The following GLIS3 variants were observed in gnomAD, a reference collection of about 807,000 sequenced individuals.
The protein encoded by GLIS3 is zinc finger protein GLIS3.
GLIS3 carries 53 observed loss-of-function variants against 78.6 expected under a neutral mutation model. The ratio of observed to expected loss-of-function variants is 0.67; its 90% CI spans 0.54 to 0.85. The LOEUF is 0.85. Ranked by LOEUF, GLIS3 falls within the 40% of genes least tolerant of loss-of-function variation. The pLI is 0.00. For missense variants in GLIS3, 1,703 were observed against 1,231.1 expected (o/e 1.38, Z -5.74); for synonymous variants, 684 against 509.9 (o/e 1.34, Z -4.60).
intron 2 of GLIS3, among the ~76,000 whole-genome samples, chr9:4,192,808 T>A (rs1253713648): frequency 7.7e-5 from 11 of 142,488 alleles, no homozygotes; most frequent in Admixed American, 2.8e-4. Flanking sequence ...ATACAATATT[T>A]AAAAAAAAAA....
intron 2 of GLIS3, among the ~76,000 whole-genome samples, chr9:4,128,124 C>T (rs555731737): frequency 2.9e-4 from 44 of 152,294 alleles, no homozygotes; most frequent in African/African-American, 1.0e-3. Flanking sequence ...TATTTTAACC[C>T]TTATCTTGTT....
At chr9:4,163,189 G>C (rs1367686692) in intron 2 of GLIS3, among the ~76,000 whole-genome samples, 1 of 152,242 alleles carries the variant, frequency 6.6e-6, no homozygotes, top group Admixed American at 6.5e-5. Context: ...ATCTGCCTGG[G>C]TCCATAGCTG....
At chr9:4,306,690 C>A (rs1317649101) in intron 4 of GLIS3, among the ~76,000 whole-genome samples, 2 of 152,252 alleles carry the variant, frequency 1.3e-5, no homozygotes, top group African/African-American at 4.8e-5. Flanking sequence ...CCAGGCATCT[C>A]TGAGTCTCAT....
At chr9:4,339,240 C>T (rs1817799093) in intron 2 of GLIS3, among the ~76,000 whole-genome samples, 2 of 152,296 alleles carry the variant, frequency 1.3e-5, no homozygotes, top group Non-Finnish European at 2.9e-5. Context: ...TTGTCTTCTT[C>T]ACTGAAGTGA....
At chr9:4,438,714 G>A in the GLIS3 span, among the ~76,000 whole-genome samples, 2 of 152,164 alleles carry the variant, frequency 1.3e-5, no homozygotes. Context: ...TAGTGAATAA[G>A]TCTCACAAGA....
chr9:3,920,545 G>C (rs778186594), intron 6 of GLIS3, among the ~76,000 whole-genome samples: 2 of 151,136 alleles, frequency 1.3e-5, no homozygotes, highest in African/African-American at 4.9e-5. Flanking sequence ...CTATGTGTCT[G>C]AGTCTTTGTG....
chr9:4,117,652 T>A, intron 4 of GLIS3, 116 bp downstream of exon 4: 4 of 1,152,510 alleles, frequency 3.5e-6, no homozygotes, highest in Non-Finnish European at 5.3e-6. Context: ...CCCCATCTCA[T>A]GGATACCTAG....
At chr9:4,336,599 TAAAACAAC>T (rs1817760820) in intron 2 of GLIS3, among the ~76,000 whole-genome samples, 1 of 152,246 alleles carries the variant, frequency 6.6e-6, no homozygotes, top group Admixed American at 6.5e-5. Context: ...CTCAGGAAGA[TAAAACAAC>T]AAAACCAAGA....
intron 2 of GLIS3, among the ~76,000 whole-genome samples, chr9:4,149,056 T>C (rs1020989070): frequency 8.5e-5 from 13 of 152,202 alleles, no homozygotes; most frequent in Admixed American, 7.9e-4. Flanking sequence ...GTGCAGAGTT[T>C]ACCTAGCTAT....
At chr9:4,110,461 C>T (rs1215788602) in intron 4 of GLIS3, among the ~76,000 whole-genome samples, 2 of 152,146 alleles carry the variant, frequency 1.3e-5, no homozygotes, top group African/African-American at 4.8e-5. Context: ...AACCATTCTC[C>T]CTACTCAAGC....
At chr9:4,212,727 G>A (rs539988229) in intron 2 of GLIS3, among the ~76,000 whole-genome samples, 1 of 152,352 alleles carries the variant, frequency 6.6e-6, no homozygotes, top group East Asian at 1.9e-4. Context: ...AGAGGCAAGA[G>A]AGATAGAACA....
At chr9:3,953,765 C>A (rs1300072274) in intron 4 of GLIS3, among the ~76,000 whole-genome samples, 13 of 37,168 alleles carry the variant, frequency 3.5e-4, no homozygotes, top group African/African-American at 1.5e-3. Context: ...GATTTGCTCT[C>A]TCTCTCTCTC....
intron 1 of GLIS3, among the ~76,000 whole-genome samples, chr9:4,290,594 T>C (rs1179261052): frequency 6.6e-6 from 1 of 152,094 alleles, no homozygotes; most frequent in East Asian, 1.9e-4. Context: ...GTGAAGCACA[T>C]TTCGCAATTC....
At chr9:4,050,248 C>G (rs1420354809) in intron 4 of GLIS3, among the ~76,000 whole-genome samples, 2 of 152,156 alleles carry the variant, frequency 1.3e-5, no homozygotes, top group East Asian at 3.8e-4. Flanking sequence ...ACATATACCC[C>G]ATGGAATACT....
At chr9:4,337,571 A>G (rs371786766) in intron 2 of GLIS3, among the ~76,000 whole-genome samples, 1 of 152,232 alleles carries the variant, frequency 6.6e-6, no homozygotes, top group Non-Finnish European at 1.5e-5. Context: ...TCTAACAAAC[A>G]AAAAGCTTCA....
At chr9:3,870,527 A>T (rs1430362518) in intron 8 of GLIS3, among the ~76,000 whole-genome samples, 4 of 152,206 alleles carry the variant, frequency 2.6e-5, no homozygotes, top group Non-Finnish European at 4.4e-5. Context: ...TGGCTGAGGA[A>T]GCCTCACAAT....
chr9:3,891,577 C>G (rs1384743008), intron 7 of GLIS3, among the ~76,000 whole-genome samples: 1 of 152,062 alleles, frequency 6.6e-6, no homozygotes, highest in Admixed American at 6.6e-5. Flanking sequence ...TGGCACATAC[C>G]TGAAGTCTCA....
At chr9:4,076,874 T>G (rs202159148) in intron 4 of GLIS3, among the ~76,000 whole-genome samples, 1 of 152,116 alleles carries the variant, frequency 6.6e-6, no homozygotes, top group East Asian at 1.9e-4. Context: ...TTGGGCAACA[T>G]GGCAAAACCC....
chr9:3,862,681 A>G (rs372585223), intron 8 of GLIS3, among the ~76,000 whole-genome samples: 134 of 152,244 alleles, frequency 8.8e-4, no homozygotes, highest in African/African-American at 3.1e-3. Context: ...ACACTTTGAA[A>G]AGAAGGAATT....
Sources: allele counts gnomAD v4.1 joint callset (sites outside exome capture counted in the v4.1 genomes callset), GRCh38; gene constraint gnomAD v4.1.1; transcripts MANE v1.5; gene names NCBI Gene and HGNC (gene_info 2026-07-23, HGNC 2026-07-21).